The following PGLYRP4 variants were observed in gnomAD, a reference collection of about 807,000 sequenced individuals.
PGLYRP4 encodes the protein PGRP-I-beta.
A neutral mutation model predicts 41.2 loss-of-function variants in PGLYRP4; 39 were observed. The observed-to-expected ratio is 0.95, with a 90% CI of 0.73 to 1.24. The LOEUF is 1.24. PGLYRP4 is among the 50% of genes most tolerant of loss of function. The pLI is 0.00. For missense variants in PGLYRP4, 467 were observed against 460.7 expected, an observed-to-expected ratio of 1.01 and a Z score of -0.13; for synonymous variants, 202 against 186.8, an observed-to-expected ratio of 1.08 and a Z score of -0.66.
In PGLYRP4 at chr1:153,337,110, T is replaced by G. The variant is rs562676109; in HGVS notation, c.943+71A>C. The G allele has an allele frequency of 1.6e-5, 18 of 1,127,672 alleles. No individual in the cohort carries two copies. In the South Asian group the frequency reaches 1.6e-4, roughly 10 times the overall value. The allele number at this position is 1,127,672 out of a possible 1,614,324, so 69.9% of individuals were successfully genotyped here. On this transcript the variant is annotated intron_variant, in intron 8 of 8. Transcript: ENST00000359650. ...CTAAAATGACGCTTGAGACTGAGAC[T>G]TTGTCTTCCATGTCAGATGCTCTCT...
At chr1:153,339,296 A>G (rs1210281225) in intron 7 of PGLYRP4, among the ~76,000 whole-genome samples, 1 of 152,236 alleles carries the variant, frequency 6.6e-6, no homozygotes, top group Non-Finnish European at 1.5e-5. Context: ...GGCAGGACCT[A>G]GCAAAGCACT....
At chr1:153,345,812 C>T (rs1038334372) in intron 3 of PGLYRP4, among the ~76,000 whole-genome samples, 2 of 152,212 alleles carry the variant, frequency 1.3e-5, no homozygotes, top group African/African-American at 4.8e-5. Context: ...TATGTCTCCC[C>T]CTCAGTCTGA....
In PGLYRP4 at chr1:153,330,800, G is replaced by A; in HGVS notation, c.1089C>T (p.Asn363=). The change falls in exon 9 of 9, where the codon AAC becomes AAT. Residue 363 remains asparagine (N), a synonymous_variant. Transcript: ENST00000359650. ...TGAAATGAGGCCAGGTGCTGATGAT[G>A]TTGTACAAAGCCTGCCCAGGAGACA... ...RTLSPGQALY[N]IISTWPHFKH 1 of 1,614,046 alleles carries A rather than the reference G, an allele frequency of 6.2e-7. No individual in the cohort carries two copies. Among genetic ancestry groups the A allele is most frequent in the Non-Finnish European group, 8.5e-7 (1 of 1,179,944 alleles).
chr1:153,347,734 C>T, intron 2 of PGLYRP4, 150 bp downstream of exon 2: 1 of 657,832 alleles, frequency 1.5e-6, no homozygotes, highest in Non-Finnish European at 2.8e-6. Context: ...TCCTCTGTCA[C>T]TCAGGCTGGA....
chr1:153,342,117 T>A (rs948887297), intron 5 of PGLYRP4, among the ~76,000 whole-genome samples: 1 of 152,174 alleles, frequency 6.6e-6, no homozygotes, highest in Non-Finnish European at 1.5e-5. Context: ...TGTCAGGCTC[T>A]TTGCCTACAA....
At chr1:153,339,067 A>G (rs992812486) in intron 7 of PGLYRP4, among the ~76,000 whole-genome samples, 2 of 152,198 alleles carry the variant, frequency 1.3e-5, no homozygotes, top group African/African-American at 2.4e-5. Flanking sequence ...GACCACCTCA[A>G]TGAAAGAAAA....
chr1:153,340,613 C>G lies in PGLYRP4; in HGVS notation c.626-34G>C, dbSNP rs1003861643. The G allele has an allele frequency of 7.5e-6, 12 of 1,600,162 alleles. No homozygotes were observed. The Middle Eastern group carries it at 9.7e-4, about 130-fold the overall frequency. The stretch of plus-strand genomic sequence containing the variant: ...GGGCGAGAAACCACAGAGGGTTCAT[C>G]TTCCCCATCTATGCCAGCCACTTCT... On this transcript the variant is annotated intron_variant, in intron 6 of 8. Transcript: ENST00000359650.
At chr1:153,338,459 G>T (rs1660659955) in intron 7 of PGLYRP4, among the ~76,000 whole-genome samples, 1 of 152,152 alleles carries the variant, frequency 6.6e-6, no homozygotes, top group African/African-American at 2.4e-5. Context: ...AGGGTAGCCA[G>T]ACTGGTCTTT....
chr1:153,335,509 G>A (rs149922413), intron 8 of PGLYRP4, among the ~76,000 whole-genome samples: 1,883 of 150,836 alleles, frequency 0.012, 24 homozygotes, highest in Middle Eastern at 0.017. Context: ...ACACCAGTCA[G>A]ATTGACAGAG....
Position 153,347,883 on chromosome 1 carries a change from C to A in PGLYRP4, c.49+1G>T. The A allele has an allele frequency of 6.2e-7, 1 of 1,612,030 alleles. No homozygotes were observed. Among genetic ancestry groups the A allele is most frequent in the Non-Finnish European group, 8.5e-7 (1 of 1,178,284 alleles). On this transcript the variant is annotated splice_donor_variant, in intron 2 of 8. Coordinates refer to ENST00000359650, the MANE Select transcript of PGLYRP4 (RefSeq NM_020393.4). LOFTEE classifies it high-confidence loss of function. ...TTTTGGCCCAGGGAAAGAAAACTTA[C>A]CCCAGGCCTGGATACCCAGAGCAGA...
chr1:153,331,244 T>C (rs1270183308), intron 8 of PGLYRP4, among the ~76,000 whole-genome samples: 1 of 152,202 alleles, frequency 6.6e-6, no homozygotes, highest in Non-Finnish European at 1.5e-5. Flanking sequence ...CCAAAGGACA[T>C]TTGGCAGTGT....
In PGLYRP4 at chr1:153,348,549, T is replaced by A. The variant is rs1396355434; in HGVS notation, c.-68A>T. 3 of 152,548 alleles carry A rather than the reference T, an allele frequency of 2.0e-5. No individual in the cohort carries two copies. Among genetic ancestry groups the A allele is most frequent in the Non-Finnish European group, 4.4e-5 (3 of 68,280 alleles). The allele number at this position is 152,548 out of a possible 1,614,324, so 9.4% of individuals were successfully genotyped here. On this transcript the variant is annotated 5_prime_UTR_variant, in exon 1 of 9. Transcript: ENST00000359650. ...TCACAGATATCTGTGGGTCCTGTGC[T>A]GTCCCAGCCCAGCAGGTCAGGGTGC...
At position 153,341,708 on chromosome 1, in the gene PGLYRP4, G is replaced by T. The variant is rs763577635; in HGVS notation, c.544C>A (p.Leu182Met). Reference protein sequence around the residue: ...LITYAVQKGHLSSSYVQPLLG... With the variant: ...LITYAVQKGHMSSSYVQPLLG... The stretch of plus-strand genomic sequence containing the variant: ...AGTGGCTGAACATAACTGGATGACA[G>T]GTGGCCCTTCTGGACAGCATAGGTG... Residue 182 changes from leucine (L) to methionine (M), a missense_variant, in exon 6 of 9, where the codon CTG becomes ATG. Leu to Met is a conservative substitution (Grantham distance 15, BLOSUM62 2). Coordinates refer to ENST00000359650, the MANE Select transcript of PGLYRP4 (RefSeq NM_020393.4). The T allele has an allele frequency of 5.0e-6, 8 of 1,613,878 alleles. No homozygotes were observed. Among genetic ancestry groups the T allele is most frequent in the South Asian group, 2.2e-5 (2 of 91,082 alleles).
At chr1:153,335,306 G>T (rs1322597618) in intron 8 of PGLYRP4, among the ~76,000 whole-genome samples, 1 of 152,150 alleles carries the variant, frequency 6.6e-6, no homozygotes, top group Non-Finnish European at 1.5e-5. Context: ...CTGACAAAGA[G>T]CTAATACCCG....
At chr1:153,335,315 C>G (rs1238128769) in intron 8 of PGLYRP4, among the ~76,000 whole-genome samples, 2 of 152,050 alleles carry the variant, frequency 1.3e-5, no homozygotes, top group African/African-American at 4.8e-5. Flanking sequence ...AGCTAATACC[C>G]GGAATCTACA....
chr1:153,344,631 G>A (rs1442322608), intron 4 of PGLYRP4, among the ~76,000 whole-genome samples: 2 of 152,168 alleles, frequency 1.3e-5, no homozygotes, highest in East Asian at 3.9e-4. Flanking sequence ...ATGTGGTATG[G>A]GCACCAGTAC....
At chr1:153,345,588 T>A (rs769349780) in intron 3 of PGLYRP4, among the ~76,000 whole-genome samples, 3 of 152,098 alleles carry the variant, frequency 2.0e-5, no homozygotes, top group Admixed American at 6.5e-5. Context: ...GCCTAATGCT[T>A]TGCTCCCCCA....
rs1660862857 is a variant in PGLYRP4 at position 153,343,080 on chromosome 1, T to C, written c.472+10A>G. On this transcript the variant is annotated intron_variant, in intron 5 of 8. Transcript: ENST00000359650. ...ACTCTTTGGAGAAGGTCAGCTGTGA[T>C]AACTGTTACCTTTCTTAGTGCCAAA... 2 of 1,540,168 alleles carry C rather than the reference T, an allele frequency of 1.3e-6. No homozygotes were observed. The highest frequency in any genetic ancestry group is 1.8e-6 in the Non-Finnish European group (2 of 1,112,712).
intron 7 of PGLYRP4, among the ~76,000 whole-genome samples, chr1:153,339,232 A>G (rs1394054025): frequency 6.6e-6 from 1 of 152,198 alleles, no homozygotes; most frequent in Non-Finnish European, 1.5e-5. Flanking sequence ...TTTACAGTCC[A>G]TTTTCAGGTA....
Sources: gnomAD v4.1 joint callset for allele counts (sites outside exome capture counted in the v4.1 genomes callset) on GRCh38, gnomAD v4.1.1 for gene constraint, MANE v1.5 for transcripts, NCBI Gene and HGNC (gene_info 2026-07-23, HGNC 2026-07-21) for gene names.